Variants in TBCD observed in about 807,000 individuals in gnomAD.
The protein encoded by TBCD is tubulin-specific chaperone D.
In TBCD, 105 loss-of-function variants were observed where a neutral mutation model predicts 169.3. The ratio of observed to expected loss-of-function variants is 0.62; its 90% CI spans 0.53 to 0.73. The LOEUF (loss-of-function observed/expected upper bound fraction) is 0.73, where lower values mean the gene tolerates loss of function less well. Ranked by LOEUF, TBCD falls within the 30% of genes least tolerant of loss-of-function variation. TBCD has a pLI of 0.00. For synonymous variants in TBCD, 700 were observed against 643.9 expected, an observed-to-expected ratio of 1.09 and a Z score of -1.32; for missense variants, 1,444 against 1,600.1, an observed-to-expected ratio of 0.90 and a Z score of 1.66.
chr17:82,927,016 G>A (rs746287658), intron 28 of TBCD, 170 bp from the exon 29 acceptor site: 39 of 917,664 alleles, frequency 4.2e-5, no homozygotes, highest in Middle Eastern at 2.6e-4. Flanking sequence ...GGGGAAGCAC[G>A]TCCCACGTTC....
Position 82,766,168 on chromosome 17 carries a change from G to C in TBCD, c.334-99G>C, listed in dbSNP as rs919826501. On this transcript the variant is annotated intron_variant, in intron 3 of 38. Coordinates refer to ENST00000355528, the MANE Select transcript of TBCD (RefSeq NM_005993.5). ...GTCACAGAATTCTCTTTGATCAGTG[G>C]GTCGCGTAGCTGGTGATTTTTGATG... is the stretch of plus-strand genomic sequence containing the variant. The C allele has an allele frequency of 4.5e-6, 4 of 883,386 alleles. No individual in the cohort carries two copies. The Admixed American group carries it at 8.6e-5, about 19-fold the overall frequency. The allele number at this position is 883,386 out of a possible 1,614,324, so 54.7% of individuals were successfully genotyped here.
At chr17:82,767,582 C>T (rs577030393) in intron 4 of TBCD, among the ~76,000 whole-genome samples, 5 of 152,150 alleles carry the variant, frequency 3.3e-5, no homozygotes, top group South Asian at 2.1e-4. Context: ...GCTGGGATTA[C>T]AGGCATGTGT....
intron 14 of TBCD, among the ~76,000 whole-genome samples, chr17:82,877,985 G>C (rs542249215): frequency 1.3e-5 from 2 of 152,338 alleles, no homozygotes; most frequent in Middle Eastern, 6.8e-3. Flanking sequence ...AAGATCTTTA[G>C]ATAATTAGTT....
At chr17:82,855,745 C>T (rs117637425) in intron 13 of TBCD, among the ~76,000 whole-genome samples, 5,192 of 152,138 alleles carry the variant, frequency 0.034, 131 homozygotes, top group Non-Finnish European at 0.051. Flanking sequence ...TTTTTGTCAC[C>T]GAAAAAATAC....
At chr17:82,758,782 C>G (rs934991574) in intron 2 of TBCD, among the ~76,000 whole-genome samples, 10 of 150,896 alleles carry the variant, frequency 6.6e-5, no homozygotes, top group Non-Finnish European at 1.5e-4. Flanking sequence ...GCCTCAGCCT[C>G]CAGCGTAGCT....
At chr17:82,931,052 G>A (rs149507836) in intron 33 of TBCD, among the ~76,000 whole-genome samples, 61 of 152,350 alleles carry the variant, frequency 4.0e-4, no homozygotes, top group African/African-American at 1.4e-3. Flanking sequence ...GGAATGTCAA[G>A]TGAGAAACAT....
At chr17:82,793,766 G>A (rs539038737) in intron 7 of TBCD, among the ~76,000 whole-genome samples, 1 of 152,352 alleles carries the variant, frequency 6.6e-6, no homozygotes, top group East Asian at 1.9e-4. Context: ...ATGCCCAAGA[G>A]TGGCTTTGAA....
At chr17:82,846,803 G>A (rs978723993) in intron 13 of TBCD, among the ~76,000 whole-genome samples, 4 of 152,244 alleles carry the variant, frequency 2.6e-5, no homozygotes, top group African/African-American at 9.6e-5. Context: ...TAACTGAACA[G>A]AGCGCAGCTG....
Position 82,756,157 on chromosome 17 carries a change from G to A in TBCD, c.185-8G>A. On this transcript the variant is annotated splice_polypyrimidine_tract_variant and splice_region_variant and intron_variant, in intron 1 of 38. Transcript: ENST00000355528. ...GATAATTAATTTTCATGTTATATTT[G>A]TTTTTAGTAATAATGGACAAATACC... 1 of 1,602,822 alleles carries A rather than the reference G, an allele frequency of 6.2e-7. No individual in the cohort carries two copies. Among genetic ancestry groups the A allele is most frequent in the African/African-American group, 1.3e-5 (1 of 74,766 alleles).
chr17:82,767,953 CAAAA>C (rs1197656847), intron 4 of TBCD, among the ~76,000 whole-genome samples: 1 of 131,878 alleles, frequency 7.6e-6, no homozygotes. Flanking sequence ...GACTCCATCT[CAAAA>C]AAAAAAAAAG....
intron 13 of TBCD, among the ~76,000 whole-genome samples, chr17:82,816,766 C>T (rs1320327074): frequency 1.3e-5 from 2 of 150,620 alleles, no homozygotes; most frequent in Non-Finnish European, 2.9e-5. Flanking sequence ...TTGAAGTCCT[C>T]AGCTGAAGCA....
At chr17:82,916,380 G>T (rs999934403) in intron 23 of TBCD, among the ~76,000 whole-genome samples, 1 of 152,066 alleles carries the variant, frequency 6.6e-6, no homozygotes, top group Admixed American at 6.5e-5. Flanking sequence ...GAGTAGCTGG[G>T]ATTACAGGCA....
At chr17:82,932,964 A>C in intron 34 of TBCD, 1 of 538,682 alleles carries the variant, frequency 1.9e-6, no homozygotes. Flanking sequence ...AGTCAGCCCC[A>C]TCTGGGGCTG....
chr17:82,841,539 A>T (rs2054527121), intron 13 of TBCD, among the ~76,000 whole-genome samples: 1 of 151,856 alleles, frequency 6.6e-6, no homozygotes, highest in Non-Finnish European at 1.5e-5. Flanking sequence ...ATACCTTAAA[A>T]TTTTTTTTGG....
Position 82,864,963 on chromosome 17 carries a change from C to T in TBCD, c.1319-5261C>T, listed in dbSNP as rs1288699104. On this transcript the variant is annotated intron_variant, in intron 13 of 38. Transcript: ENST00000355528. The surrounding 1 kb of genome is among the most constrained non-coding windows in gnomAD (Gnocchi z 6.3). Reference sequence around the variant, plus strand: ...GGCTCCTTGCCCCCCAAGGGCAGGCCGAGCACCAAGTCTGTGCTTGCCCCA... The same window carrying T: ...GGCTCCTTGCCCCCCAAGGGCAGGCTGAGCACCAAGTCTGTGCTTGCCCCA... Among the ~76,000 whole-genome samples, 11 of 152,202 alleles carry T rather than the reference C, an allele frequency of 7.2e-5. No homozygotes were observed. The highest frequency in any genetic ancestry group is 1.9e-4 in the East Asian group (1 of 5,154).
intron 33 of TBCD, chr17:82,932,063 C>G (rs767028027): frequency 6.3e-6 from 1 of 159,862 alleles, no homozygotes; most frequent in Non-Finnish European, 1.4e-5. Context: ...CCTGTCCTTT[C>G]ACGCACCGAG....
chr17:82,830,903 G>C (rs1399626767), intron 13 of TBCD: 1 of 1,612,732 alleles, frequency 6.2e-7, no homozygotes, highest in Non-Finnish European at 8.5e-7. Context: ...AAAAAGCTTA[G>C]TAGGAGCTTG....
rs886041085 is a variant in TBCD at position 82,929,180 on chromosome 17, G to A, written c.2761G>A (p.Ala921Thr). The A allele has an allele frequency of 2.5e-6, 4 of 1,613,598 alleles. No homozygotes were observed. Among genetic ancestry groups the A allele is most frequent in the East Asian group, 2.2e-5 (1 of 44,886 alleles). ...SEKIDRFRAH[A>T]ASVFLTLLHF... ...GAAGATTGACCGTTTCCGTGCTCAC[G>A]CCGCCAGCGTGTTCCTGACGCTCCT... The change falls in exon 31 of 39, where the codon GCC becomes ACC. Residue 921 changes from alanine to threonine, a missense_variant. Coordinates refer to ENST00000355528, the MANE Select transcript of TBCD (RefSeq NM_005993.5).
chr17:82,863,889 T>A (rs1282671748), intron 13 of TBCD, among the ~76,000 whole-genome samples: 1 of 152,170 alleles, frequency 6.6e-6, no homozygotes, highest in African/African-American at 2.4e-5. Context: ...GGTTTTCACG[T>A]GGAGCTTTTT....
Sources: gnomAD v4.1 joint callset for allele counts (sites outside exome capture counted in the v4.1 genomes callset) on GRCh38, gnomAD v4.1.1 for gene constraint, Gnocchi (gnomAD v3.1) non-coding constraint, MANE v1.5 for transcripts, NCBI Gene and HGNC (gene_info 2026-07-23, HGNC 2026-07-21) for gene names.